Variants in ACAP2 observed in about 807,000 individuals in gnomAD.
ACAP2 encodes ArfGAP with coiled-coil, ankyrin repeat and PH domains 2, also known as arf-GAP with coiled-coil, ANK repeat and PH domain-containing protein 2.
ACAP2 carries 39 observed loss-of-function variants against 115.8 expected under a neutral mutation model. The ratio of observed to expected loss-of-function variants is 0.34; its 90% CI spans 0.26 to 0.44. The LOEUF (loss-of-function observed/expected upper bound fraction) is 0.44. ACAP2 is among the 20% of genes least tolerant of loss of function. ACAP2 has a pLI of 1.00. For missense variants in ACAP2, 662 were observed against 927.6 expected, an observed-to-expected ratio of 0.71 and a Z score of 3.72; for synonymous variants, 289 against 315.8, an observed-to-expected ratio of 0.92 and a Z score of 0.90.
intron 1 of ACAP2, among the ~76,000 whole-genome samples, chr3:195,398,364 G>C (rs1711979905): frequency 6.6e-6 from 1 of 152,098 alleles, no homozygotes; most frequent in Non-Finnish European, 1.5e-5. Context: ...ATCTCCACTG[G>C]CCAGGCATGG....
intron 4 of ACAP2, among the ~76,000 whole-genome samples, chr3:195,365,113 G>A (rs990279328): frequency 1.2e-4 from 18 of 152,194 alleles, no homozygotes; most frequent in African/African-American, 4.3e-4. Context: ...ATGATGGTTA[G>A]CAGAGGCTGG....
chr3:195,281,320 G>C (rs1253051204), intron 22 of ACAP2, among the ~76,000 whole-genome samples: 2 of 152,050 alleles, frequency 1.3e-5, no homozygotes, highest in African/African-American at 4.8e-5. Flanking sequence ...CATGAGAATG[G>C]TGTGAACCCG....
intron 18 of ACAP2, among the ~76,000 whole-genome samples, chr3:195,293,406 G>A (rs1435698351): frequency 1.3e-5 from 2 of 152,192 alleles, no homozygotes; most frequent in Non-Finnish European, 2.9e-5. Flanking sequence ...AAAATCTAAT[G>A]GGGAGGGAGT....
chr3:195,358,105 A>G (rs565228376), intron 4 of ACAP2, among the ~76,000 whole-genome samples: 33 of 152,320 alleles, frequency 2.2e-4, no homozygotes, highest in Admixed American at 3.9e-4. Context: ...AAGCCTAACC[A>G]TATCAACCAC....
At chr3:195,325,603 C>A in intron 9 of ACAP2, 1 of 358,454 alleles carries the variant, frequency 2.8e-6, no homozygotes, top group South Asian at 2.2e-5. Context: ...TTTGAAGCTT[C>A]AGTACAACAC....
At chr3:195,317,557 GC>G (rs1729178703) in intron 10 of ACAP2, among the ~76,000 whole-genome samples, 1 of 152,124 alleles carries the variant, frequency 6.6e-6, no homozygotes, top group Admixed American at 6.6e-5. Flanking sequence ...GAATGATCCT[GC>G]GACAACCAAT....
Position 195,292,414 on chromosome 3 carries a change from T to G in ACAP2, c.1804A>C (p.Lys602Gln). The change falls in exon 19 of 23, where the codon AAA becomes CAA. Residue 602 changes from lysine (K) to glutamine (Q), a missense_variant. This residue lies in a region of ACAP2 where 133 missense variants were observed against 123.1 expected (regional missense o/e 1.08). Transcript: ENST00000326793. ...RQDSSMFLDSKHLNPGLQLYR... is the reference protein window; with the variant it reads ...RQDSSMFLDSQHLNPGLQLYR... ...AGCTGAAGTCCTGGATTAAGATGTT[T>G]CGAGTCAAGAAACATAGAAGAATCT... is the stretch of plus-strand genomic sequence containing the variant. 2 of 1,611,854 alleles carry G rather than the reference T, an allele frequency of 1.2e-6. No individual in the cohort carries two copies. The highest frequency in any genetic ancestry group is 1.7e-6 in the Non-Finnish European group (2 of 1,179,486).
rs780737963 is a variant in ACAP2, at chr3:195,294,735, A to G, written c.1749T>C (p.Asn583=). The change falls in exon 18 of 23, where the codon AAT becomes AAC. Residue 583 remains asparagine, a synonymous_variant. Coordinates refer to ENST00000326793, the MANE Select transcript of ACAP2 (RefSeq NM_012287.6). The part of the protein sequence containing the change: ...RESLPSTVSA[N]SLYEPEGERQ... The stretch of plus-strand genomic sequence containing the variant: ...AGAACTCACCAGGCTCATATAAACT[A>G]TTGGCTGACACCGTGGAGGGTAAAG... The G allele has an allele frequency of 3.1e-6, 5 of 1,606,298 alleles. No individual in the cohort carries two copies. In the South Asian group the frequency reaches 5.5e-5, roughly 18 times the overall value.
chr3:195,360,482 A>G (rs1353160790), intron 4 of ACAP2, among the ~76,000 whole-genome samples: 1 of 152,212 alleles, frequency 6.6e-6, no homozygotes, highest in Non-Finnish European at 1.5e-5. Context: ...CAGAAAATCC[A>G]CAAGGAAACA....
At chr3:195,299,377 C>T (rs965520222) in intron 15 of ACAP2, among the ~76,000 whole-genome samples, 16 of 148,268 alleles carry the variant, frequency 1.1e-4, no homozygotes, top group Admixed American at 1.4e-4. Context: ...CAAGAACAGC[C>T]TTTGCAACAT....
chr3:195,432,955 T>C (rs981716986), intron 1 of ACAP2, among the ~76,000 whole-genome samples: 3 of 152,228 alleles, frequency 2.0e-5, no homozygotes, highest in Admixed American at 1.3e-4. Flanking sequence ...GAAATACAAA[T>C]AATTTTTGTA....
chr3:195,343,698 T>C (rs80202170), intron 5 of ACAP2, among the ~76,000 whole-genome samples: 255 of 152,356 alleles, frequency 1.7e-3, no homozygotes, highest in African/African-American at 5.7e-3. Context: ...TCCCTTTTAA[T>C]AGTCTGAAAA....
Position 195,320,789 on chromosome 3 carries a change from A to C in ACAP2, c.769T>G (p.Leu257Val), listed in dbSNP as rs1458346290. ...QKDFSSDDSK[L>V]EYNVDAANGI... is the part of the protein sequence containing the mutation. ...TTTGCAGCATCTACGTTATATTCTA[A>C]CTTAGAATCATCACTGGAGAAATCC... is the stretch of plus-strand genomic sequence containing the variant. The change falls in exon 10 of 23, where the codon TTA becomes GTA. Residue 257 changes from leucine to valine, a missense_variant. By Grantham distance (32) the Leu-to-Val change is conservative. This residue lies in a region of ACAP2 where 401 missense variants were observed against 604.4 expected (regional missense o/e 0.66). Transcript: ENST00000326793. 3 of 1,613,032 alleles carry C rather than the reference A, an allele frequency of 1.9e-6. No individual in the cohort carries two copies. Among genetic ancestry groups the C allele is most frequent in the Non-Finnish European group, 2.5e-6 (3 of 1,179,336 alleles).
At chr3:195,353,388 T>C (rs189917208) in intron 4 of ACAP2, among the ~76,000 whole-genome samples, 3 of 152,192 alleles carry the variant, frequency 2.0e-5, no homozygotes, top group Non-Finnish European at 4.4e-5. Context: ...CATCCACAGG[T>C]AGATGGATTT....
intron 12 of ACAP2, 62 bp from the exon 13 acceptor site, chr3:195,306,678 G>T: frequency 8.6e-7 from 1 of 1,166,050 alleles, no homozygotes; most frequent in Non-Finnish European, 1.2e-6. Flanking sequence ...CACCCTATAA[G>T]CTTTATATTT....
intron 1 of ACAP2, among the ~76,000 whole-genome samples, chr3:195,418,681 C>T (rs188916734): frequency 2.0e-5 from 3 of 152,272 alleles, no homozygotes; most frequent in Admixed American, 6.5e-5. Flanking sequence ...CCTCCCACCA[C>T]GGCGTCCCCA....
intron 4 of ACAP2, among the ~76,000 whole-genome samples, chr3:195,357,941 A>G (rs899416369): frequency 1.4e-4 from 21 of 152,198 alleles, no homozygotes; most frequent in African/African-American, 4.8e-4. Context: ...CCAAACACTT[A>G]CAAAACCATC....
At chr3:195,396,267 A>G (rs1310591037) in intron 1 of ACAP2, among the ~76,000 whole-genome samples, 1 of 152,006 alleles carries the variant, frequency 6.6e-6, no homozygotes, top group Non-Finnish European at 1.5e-5. Context: ...AAAACAAATA[A>G]GAAAACTAGA....
intron 1 of ACAP2, among the ~76,000 whole-genome samples, chr3:195,417,538 T>G (rs897786053): frequency 2.0e-4 from 30 of 152,150 alleles, no homozygotes; most frequent in Non-Finnish European, 4.1e-4. Context: ...GGACCATCAT[T>G]TCTTCTCACC....
Sources: gnomAD v4.1 joint callset for allele counts (sites outside exome capture counted in the v4.1 genomes callset) on GRCh38, gnomAD v4.1.1 for gene constraint, gnomAD v4.1.1 regional missense constraint, MANE v1.5 for transcripts, NCBI Gene and HGNC (gene_info 2026-07-23, HGNC 2026-07-21) for gene names.